DPYSL3: variants seen among roughly 807,000 people sequenced by gnomAD.
The protein encoded by DPYSL3 is dihydropyrimidinase-related protein 3.
In DPYSL3, 16 loss-of-function variants were observed where a neutral mutation model predicts 66.1. That is an observed-to-expected ratio of 0.24 (90% CI 0.16 to 0.37). The LOEUF (loss-of-function observed/expected upper bound fraction) is 0.37. Ranked by LOEUF, DPYSL3 falls within the 10% of genes least tolerant of loss-of-function variation. DPYSL3 has a pLI of 1.00. For synonymous variants in DPYSL3, 338 were observed against 345.1 expected, an observed-to-expected ratio of 0.98 and a Z score of 0.23; for missense variants, 738 against 916.2, an observed-to-expected ratio of 0.81 and a Z score of 2.51.
rs978839811 is a variant in DPYSL3, at chr5:147,435,172, G to T, written c.382-10209C>A. On this transcript the variant is annotated intron_variant, in intron 1 of 13. Transcript: ENST00000343218. ...ATCTTTTGTCTGGCAGAGATTAAAG[G>T]ATCCACAGAGGCCTTGCCTAAGTGA... Among the ~76,000 whole-genome samples, 11 of 152,306 alleles carry T rather than the reference G, an allele frequency of 7.2e-5. No individual in the cohort carries two copies. In the East Asian group the frequency reaches 2.1e-3, roughly 29 times the overall value.
At chr5:147,481,083 T>A (rs1016081108) in intron 1 of DPYSL3, among the ~76,000 whole-genome samples, 3 of 152,158 alleles carry the variant, frequency 2.0e-5, no homozygotes, top group Admixed American at 1.3e-4. Context: ...TTACAAAAAA[T>A]TTCATACGCA....
intron 3 of DPYSL3, among the ~76,000 whole-genome samples, chr5:147,417,084 T>C (rs888069479): frequency 6.6e-6 from 1 of 152,212 alleles, no homozygotes; most frequent in Non-Finnish European, 1.5e-5. Flanking sequence ...ATCTCTAGGT[T>C]TCCTAATTTA....
chr5:147,420,663 G>A (rs2126318183), intron 2 of DPYSL3, among the ~76,000 whole-genome samples: 1 of 152,276 alleles, frequency 6.6e-6, no homozygotes, highest in African/African-American at 2.4e-5. Context: ...CTGTTCTTAT[G>A]CTCTGTGAGT....
Position 147,509,694 on chromosome 5 carries a change from G to A in DPYSL3, c.165C>T (p.Leu55=). 1 of 1,535,974 alleles carries A rather than the reference G, an allele frequency of 6.5e-7. No individual in the cohort carries two copies. Among genetic ancestry groups the A allele is most frequent in the Non-Finnish European group, 8.7e-7 (1 of 1,146,800 alleles). The part of the protein sequence containing the change: ...FESKTLDFDA[L]SVGQRGAKTP... Reference sequence around the variant, plus strand: ...TCTTCGCGCCCCGCTGCCCCACGCTGAGGGCATCGAAATCCAGCGTCTTGC... The same window carrying A: ...TCTTCGCGCCCCGCTGCCCCACGCTAAGGGCATCGAAATCCAGCGTCTTGC... Residue 55 remains leucine, a synonymous_variant, in exon 1 of 14, where the codon CTC becomes CTT. Transcript: ENST00000343218. This position sits in a 1 kb window ranked among gnomAD's most constrained non-coding sequence, Gnocchi z 5.3.
chr5:147,507,790 A>C (rs1312613593), intron 1 of DPYSL3, among the ~76,000 whole-genome samples: 1 of 152,176 alleles, frequency 6.6e-6, no homozygotes, highest in African/African-American at 2.4e-5. Context: ...AGGGAGGAAA[A>C]CGGGAGAATT....
chr5:147,393,949 C>A lies in DPYSL3; in HGVS notation c.*86G>T. 7.3e-7 allele frequency: 1 copy of A among 1,364,826 alleles called. No homozygotes were observed. The highest frequency in any genetic ancestry group is 1.0e-6 in the Non-Finnish European group (1 of 963,126). 84.5% of individuals were successfully genotyped at this position (1,364,826 alleles called of 1,614,324 possible). A position where few individuals can be genotyped will look rare whatever the true frequency, so the allele number is the denominator to read the frequency against. Reference sequence around the variant, plus strand: ...TCTTTAGATCACAACCGTTTGGATTCGCTTTCCTTCTTAAATATCGGTGTA... The same window carrying A: ...TCTTTAGATCACAACCGTTTGGATTAGCTTTCCTTCTTAAATATCGGTGTA... On this transcript the variant is annotated 3_prime_UTR_variant, in exon 14 of 14. Transcript: ENST00000343218.
intron 1 of DPYSL3, among the ~76,000 whole-genome samples, chr5:147,427,668 G>A (rs540617521): frequency 8.5e-5 from 13 of 152,208 alleles, no homozygotes; most frequent in African/African-American, 2.6e-4. Context: ...TCCTTATGCA[G>A]CCATCAGGCA....
intron 1 of DPYSL3, among the ~76,000 whole-genome samples, chr5:147,442,901 T>A (rs556793398): frequency 6.6e-6 from 1 of 152,150 alleles, no homozygotes; most frequent in African/African-American, 2.4e-5. Flanking sequence ...CTCTGAGTAA[T>A]TTCATTGTAG....
At chr5:147,469,458 A>C (rs1753054273) in intron 1 of DPYSL3, among the ~76,000 whole-genome samples, 1 of 152,200 alleles carries the variant, frequency 6.6e-6, no homozygotes, top group African/African-American at 2.4e-5. Context: ...AAATAGGGAT[A>C]ATATGGTTAA....
intron 2 of DPYSL3, 63 bp from the exon 3 acceptor site, chr5:147,418,694 A>C (rs1752022465): frequency 4.3e-6 from 6 of 1,407,058 alleles, no homozygotes; most frequent in Admixed American, 2.0e-5. Flanking sequence ...GCAATTTCCA[A>C]GACAAATATA....
At chr5:147,397,159 T>C (rs1487518880) in intron 12 of DPYSL3, among the ~76,000 whole-genome samples, 1 of 46,510 alleles carries the variant, frequency 2.2e-5, no homozygotes, top group East Asian at 9.6e-4. Context: ...TGCACACATG[T>C]ATGTATCTAT....
intron 1 of DPYSL3, among the ~76,000 whole-genome samples, chr5:147,506,473 C>T (rs371934693): frequency 9.9e-5 from 15 of 152,112 alleles, no homozygotes; most frequent in African/African-American, 3.4e-4. Context: ...GGTCATATCC[C>T]ATCTGAAGCA....
intron 1 of DPYSL3, among the ~76,000 whole-genome samples, chr5:147,461,717 T>C (rs1254555578): frequency 6.6e-6 from 1 of 152,182 alleles, no homozygotes; most frequent in East Asian, 1.9e-4. Flanking sequence ...AGTAGAGACA[T>C]GTAGAGGCCA....
intron 1 of DPYSL3, among the ~76,000 whole-genome samples, chr5:147,428,749 G>A (rs1752247798): frequency 7.5e-6 from 1 of 132,696 alleles, no homozygotes. Context: ...TACATACAAT[G>A]AGAACACATG....
chr5:147,452,156 A>G lies in DPYSL3; in HGVS notation c.382-27193T>C, dbSNP rs78810452. On this transcript the variant is annotated intron_variant, in intron 1 of 13. Transcript: ENST00000343218. ...GAAAAAGGTATGGTGCGGCAAAAGA[A>G]ATAAACCATTTGACAATAAAACATA... is the stretch of plus-strand genomic sequence containing the variant. 2.0e-5 allele frequency among the ~76,000 whole-genome samples: 3 copies of G among 152,324 alleles called. No homozygotes were observed. In the East Asian group the frequency reaches 5.8e-4, roughly 29 times the overall value.
intron 8 of DPYSL3, 127 bp from the exon 9 acceptor site, chr5:147,401,823 G>A: frequency 1.8e-6 from 2 of 1,134,656 alleles, no homozygotes; most frequent in Non-Finnish European, 2.4e-6. Context: ...CTGGGTTCAA[G>A]TCCATGTTCC....
At chr5:147,473,523 A>T (rs1442209736) in intron 1 of DPYSL3, among the ~76,000 whole-genome samples, 2 of 152,210 alleles carry the variant, frequency 1.3e-5, no homozygotes, top group Non-Finnish European at 2.9e-5. Flanking sequence ...CCACAGGTGA[A>T]TAAACTTGAG....
intron 1 of DPYSL3, among the ~76,000 whole-genome samples, chr5:147,443,647 G>A (rs1752576180): frequency 6.6e-6 from 1 of 151,618 alleles, no homozygotes. Flanking sequence ...TGGAGACTCT[G>A]AAAGTATGAA....
chr5:147,455,399 T>C (rs2068995627), intron 1 of DPYSL3, among the ~76,000 whole-genome samples: 1 of 152,180 alleles, frequency 6.6e-6, no homozygotes, highest in South Asian at 2.1e-4. Context: ...TGTGATACTC[T>C]GCAAAGGAGG....
Sources: gnomAD v4.1 joint callset for allele counts (sites outside exome capture counted in the v4.1 genomes callset) on GRCh38, gnomAD v4.1.1 for gene constraint, Gnocchi (gnomAD v3.1) non-coding constraint, MANE v1.5 for transcripts, NCBI Gene and HGNC (gene_info 2026-07-23, HGNC 2026-07-21) for gene names.